ATP9B: variants seen among roughly 807,000 people sequenced by gnomAD.
ATP9B encodes the protein ATPase phospholipid transporting 9B.
A neutral mutation model predicts 146.1 loss-of-function variants in ATP9B; 110 were observed. The ratio of observed to expected loss-of-function variants is 0.75; its 90% CI spans 0.65 to 0.88. The LOEUF (loss-of-function observed/expected upper bound fraction) is 0.88. Ranked by LOEUF, ATP9B falls within the 40% of genes least tolerant of loss-of-function variation. The pLI is 0.00. For synonymous variants in ATP9B, 604 were observed against 569.7 expected, an observed-to-expected ratio of 1.06 and a Z score of -0.86; for missense variants, 1,499 against 1,496.4, an observed-to-expected ratio of 1.00 and a Z score of -0.03.
At chr18:79,373,764 C>T in intron 27 of ATP9B, 134 bp from the exon 28 acceptor site, 1 of 878,072 alleles carries the variant, frequency 1.1e-6, no homozygotes, top group East Asian at 2.6e-5. Context: ...GCTGGGAAGA[C>T]AGACATGAGC....
chr18:79,123,232 A>G (rs2094219901), intron 4 of ATP9B, among the ~76,000 whole-genome samples: 1 of 152,212 alleles, frequency 6.6e-6, no homozygotes, highest in Non-Finnish European at 1.5e-5. Context: ...GGGTTGCAGG[A>G]TACAAGATGA....
intron 4 of ATP9B, among the ~76,000 whole-genome samples, chr18:79,123,759 C>T (rs1361328863): frequency 1.3e-5 from 2 of 152,032 alleles, no homozygotes; most frequent in African/African-American, 4.8e-5. Context: ...CAGAAATAAA[C>T]CTTTAAATTT....
rs2095686154 is a variant in ATP9B, at chr18:79,222,134, T to C, written c.1107+8096T>C. On this transcript the variant is annotated intron_variant, in intron 11 of 29. Coordinates refer to ENST00000426216, the MANE Select transcript of ATP9B (RefSeq NM_198531.5). ...ATATTTATCTCTTAGTCTTTATCTT[T>C]TATTTTTTTAGACAGGCAGAGACCA... 2.6e-5 allele frequency among the ~76,000 whole-genome samples: 4 copies of C among 152,168 alleles called. No individual in the cohort carries two copies. In the South Asian group the frequency reaches 8.3e-4, roughly 32 times the overall value.
At chr18:79,197,635 A>G (rs1405910371) in intron 9 of ATP9B, among the ~76,000 whole-genome samples, 2 of 152,178 alleles carry the variant, frequency 1.3e-5, no homozygotes, top group Non-Finnish European at 2.9e-5. Flanking sequence ...GCAACCACTA[A>G]AAAAAGAAAG....
chr18:79,079,845 A>G (rs1280537337), intron 1 of ATP9B, among the ~76,000 whole-genome samples: 1 of 152,204 alleles, frequency 6.6e-6, no homozygotes, highest in Admixed American at 6.5e-5. Context: ...GAAGGGGTCC[A>G]GTTTCAGTTT....
intron 9 of ATP9B, among the ~76,000 whole-genome samples, chr18:79,200,733 C>CA (rs2095469258): frequency 1.3e-5 from 2 of 150,594 alleles, no homozygotes; most frequent in African/African-American, 2.5e-5. Context: ...TGGGGACTGT[C>CA]GGGGTCAGAG....
At chr18:79,204,516 ATATATATCCTTAG>A (rs2095517140) in intron 9 of ATP9B, among the ~76,000 whole-genome samples, 1 of 152,218 alleles carries the variant, frequency 6.6e-6, no homozygotes, top group African/African-American at 2.4e-5. Flanking sequence ...CCACTTAAAA[ATATATATCCTTAG>A]TATTTTGCAT....
intron 8 of ATP9B, among the ~76,000 whole-genome samples, chr18:79,181,483 A>G (rs2095251494): frequency 6.6e-6 from 1 of 152,192 alleles, no homozygotes; most frequent in Non-Finnish European, 1.5e-5. Context: ...ACTAATATCA[A>G]GTAAATTAGT....
At chr18:79,316,709 A>T (rs775283433) in intron 15 of ATP9B, among the ~76,000 whole-genome samples, 13 of 143,544 alleles carry the variant, frequency 9.1e-5, no homozygotes, top group Non-Finnish European at 1.9e-4. Flanking sequence ...AGAAATGAAC[A>T]TATGTTAACT....
intron 19 of ATP9B, among the ~76,000 whole-genome samples, chr18:79,339,963 C>T (rs12953770): frequency 3.3e-5 from 5 of 152,048 alleles, no homozygotes; most frequent in East Asian, 1.9e-4. Context: ...AGTTGAATAA[C>T]GAAGTGTGAT....
chr18:79,316,919 CAT>C (rs1437834391), intron 15 of ATP9B, among the ~76,000 whole-genome samples: 1 of 152,160 alleles, frequency 6.6e-6, no homozygotes, highest in Non-Finnish European at 1.5e-5. Context: ...TAAGTTCACA[CAT>C]ATGAAACTAT....
intron 6 of ATP9B, among the ~76,000 whole-genome samples, chr18:79,147,537 G>A (rs2094611367): frequency 9.6e-6 from 1 of 103,946 alleles, no homozygotes; most frequent in South Asian, 2.9e-4. Flanking sequence ...AAGGCAGCAG[G>A]AAAACTCTAA....
intron 5 of ATP9B, among the ~76,000 whole-genome samples, chr18:79,131,904 T>C (rs915496783): frequency 4.6e-5 from 7 of 152,212 alleles, no homozygotes; most frequent in Non-Finnish European, 8.8e-5. Flanking sequence ...ATATCCACAA[T>C]TGGTAAATTA....
chr18:79,091,608 A>C (rs2074321508), intron 1 of ATP9B, among the ~76,000 whole-genome samples: 1 of 152,222 alleles, frequency 6.6e-6, no homozygotes, highest in South Asian at 2.1e-4. Flanking sequence ...TAGAAATGCT[A>C]CTTATTTTTG....
chr18:79,147,607 A>G (rs993662867), intron 6 of ATP9B, among the ~76,000 whole-genome samples: 4 of 152,174 alleles, frequency 2.6e-5, no homozygotes, highest in African/African-American at 9.7e-5. Flanking sequence ...TCTCAAGGAA[A>G]CAATACATAC....
Position 79,250,136 on chromosome 18 carries a change from C to T in ATP9B, c.1108-3245C>T, listed in dbSNP as rs374722881. Among the ~76,000 whole-genome samples the T allele has an allele frequency of 5.9e-5, 9 of 152,194 alleles. No homozygotes were observed. The South Asian group carries it at 1.2e-3, about 21-fold the overall frequency. On this transcript the variant is annotated intron_variant, in intron 11 of 29. Coordinates refer to ENST00000426216, the MANE Select transcript of ATP9B (RefSeq NM_198531.5). ...AATAATGCTTTGATGATCTGCATAT[C>T]GGTGTGCAGTGGGCGGCTTTGAATG...
At chr18:79,336,747 C>T (rs752266440) in intron 18 of ATP9B, 36 bp downstream of exon 18, 27 of 1,591,336 alleles carry the variant, frequency 1.7e-5, no homozygotes, top group East Asian at 2.2e-5. Flanking sequence ...CCTCCTACGA[C>T]GTTTCCTTCC....
chr18:79,346,243 ACAGT>A (rs1327397304), intron 23 of ATP9B, among the ~76,000 whole-genome samples: 2 of 150,770 alleles, frequency 1.3e-5, no homozygotes, highest in Admixed American at 6.6e-5. Context: ...TGCTCAGCGC[ACAGT>A]CAGCACACAC....
intron 13 of ATP9B, among the ~76,000 whole-genome samples, chr18:79,301,677 C>T (rs944838359): frequency 6.6e-6 from 1 of 152,140 alleles, no homozygotes; most frequent in Admixed American, 6.5e-5. Context: ...TTTGTTTCCA[C>T]TTAGATTTAT....
Sources: gnomAD v4.1 joint callset for allele counts (sites outside exome capture counted in the v4.1 genomes callset) on GRCh38, gnomAD v4.1.1 for gene constraint, MANE v1.5 for transcripts, NCBI Gene and HGNC (gene_info 2026-07-23, HGNC 2026-07-21) for gene names.